Variants in B3GALT1 observed in about 807,000 individuals in gnomAD.
B3GALT1 encodes beta-1,3-galactosyltransferase 1.
In B3GALT1, 10 loss-of-function variants were observed where a neutral mutation model predicts 23.2. The ratio of observed to expected loss-of-function variants is 0.43; its 90% CI spans 0.27 to 0.73. B3GALT1 has a LOEUF of 0.73. B3GALT1 is among the 30% of genes least tolerant of loss of function. The pLI, the probability that B3GALT1 is intolerant of heterozygous loss-of-function variation, is 0.21. For synonymous variants in B3GALT1, 156 were observed against 141.5 expected, an observed-to-expected ratio of 1.10 and a Z score of -0.73; for missense variants, 299 against 405.4, an observed-to-expected ratio of 0.74 and a Z score of 2.25.
At chr2:167,606,905 G>A (rs1028980625) in intron 2 of B3GALT1, among the ~76,000 whole-genome samples, 1 of 152,134 alleles carries the variant, frequency 6.6e-6, no homozygotes, top group African/African-American at 2.4e-5. Flanking sequence ...ATCTTTTACC[G>A]TAAGCTCCTT....
chr2:167,302,058 A>G (rs570176110), intron 1 of B3GALT1, among the ~76,000 whole-genome samples: 5 of 152,184 alleles, frequency 3.3e-5, no homozygotes, highest in Admixed American at 6.5e-5. Context: ...GAAATAAACT[A>G]TTTGGCCAAC....
intron 1 of B3GALT1, among the ~76,000 whole-genome samples, chr2:167,373,321 A>T (rs1190334586): frequency 6.6e-6 from 1 of 152,138 alleles, no homozygotes. Flanking sequence ...GACAGGACAC[A>T]TATAACACAA....
intron 3 of B3GALT1, among the ~76,000 whole-genome samples, chr2:167,795,539 T>A (rs1381980863): frequency 2.6e-5 from 4 of 152,210 alleles, no homozygotes; most frequent in Non-Finnish European, 4.4e-5. Flanking sequence ...CCATTTTTTT[T>A]CTCTGTTCTT....
intron 3 of B3GALT1, among the ~76,000 whole-genome samples, chr2:167,805,637 T>C (rs1305211171): frequency 6.6e-6 from 1 of 152,358 alleles, no homozygotes; most frequent in East Asian, 1.9e-4. Flanking sequence ...CAGATGGTTG[T>C]AGATACGTGG....
chr2:167,615,662 A>T (rs2105435280), intron 2 of B3GALT1, among the ~76,000 whole-genome samples: 1 of 152,212 alleles, frequency 6.6e-6, no homozygotes, highest in South Asian at 2.1e-4. Flanking sequence ...AAATAAAAAA[A>T]AATTGAAAAG....
At chr2:167,723,316 A>G (rs182109203) in intron 3 of B3GALT1, among the ~76,000 whole-genome samples, 14 of 152,330 alleles carry the variant, frequency 9.2e-5, no homozygotes, top group African/African-American at 3.4e-4. Context: ...TAGTAGATGT[A>G]AAAACTAAAG....
chr2:167,438,983 A>G (rs1574078589), intron 1 of B3GALT1, among the ~76,000 whole-genome samples: 1 of 152,352 alleles, frequency 6.6e-6, no homozygotes, highest in African/African-American at 2.4e-5. Context: ...CAAATGAGAG[A>G]TGGGCTCTGC....
chr2:167,566,683 C>G (rs1684177290), intron 2 of B3GALT1, among the ~76,000 whole-genome samples: 1 of 151,944 alleles, frequency 6.6e-6, no homozygotes, highest in Non-Finnish European at 1.5e-5. Context: ...TAACTAGCAC[C>G]CAGGTCATCC....
intron 2 of B3GALT1, among the ~76,000 whole-genome samples, chr2:167,616,552 A>G (rs1015969329): frequency 6.6e-6 from 1 of 151,962 alleles, no homozygotes; most frequent in Non-Finnish European, 1.5e-5. Flanking sequence ...AAACACAAAA[A>G]TTAGCTGGGT....
chr2:167,852,729 C>T (rs1689926799), intron 4 of B3GALT1, among the ~76,000 whole-genome samples: 1 of 152,040 alleles, frequency 6.6e-6, no homozygotes, highest in Non-Finnish European at 1.5e-5. Flanking sequence ...TACACCTTTC[C>T]AGCACATCAC....
At chr2:167,321,981 A>G (rs76553468) in intron 1 of B3GALT1, among the ~76,000 whole-genome samples, 2,239 of 152,132 alleles carry the variant, frequency 0.015, 56 homozygotes, top group East Asian at 0.082. Flanking sequence ...CTAATTTTTC[A>G]ATGTTAAAAT....
intron 1 of B3GALT1, among the ~76,000 whole-genome samples, chr2:167,386,360 A>C (rs1399498566): frequency 6.6e-6 from 1 of 152,124 alleles, no homozygotes; most frequent in East Asian, 1.9e-4. Context: ...TAGTGGTATT[A>C]ATTTTATGGT....
At chr2:167,415,340 CCCA>C (rs1216210673) in intron 1 of B3GALT1, among the ~76,000 whole-genome samples, 1 of 152,158 alleles carries the variant, frequency 6.6e-6, no homozygotes, top group African/African-American at 2.4e-5. Context: ...GCAGGAAATC[CCCA>C]CAAGTAAGAA....
intron 1 of B3GALT1, among the ~76,000 whole-genome samples, chr2:167,423,950 T>C (rs1002874433): frequency 2.0e-5 from 3 of 152,202 alleles, no homozygotes; most frequent in Admixed American, 1.3e-4. Flanking sequence ...CCAGGAATAC[T>C]GTGAAGATAC....
At chr2:167,326,461 T>C (rs1315930891) in intron 1 of B3GALT1, among the ~76,000 whole-genome samples, 1 of 151,930 alleles carries the variant, frequency 6.6e-6, no homozygotes, top group East Asian at 2.0e-4. Flanking sequence ...TCTATTTTTA[T>C]TTTTGTTGCC....
chr2:167,620,713 G>C (rs1001837229), intron 2 of B3GALT1, among the ~76,000 whole-genome samples: 2 of 109,374 alleles, frequency 1.8e-5, no homozygotes, highest in Non-Finnish European at 3.6e-5. Flanking sequence ...TCCTGCTTCA[G>C]CTCTCATACT....
chr2:167,710,631 C>T (rs912809568), intron 3 of B3GALT1, among the ~76,000 whole-genome samples: 2 of 152,202 alleles, frequency 1.3e-5, no homozygotes, highest in Non-Finnish European at 2.9e-5. Flanking sequence ...TACTGCAATC[C>T]AGATGTTACT....
chr2:167,427,774 T>A (rs1698646397), intron 1 of B3GALT1, among the ~76,000 whole-genome samples: 1 of 152,162 alleles, frequency 6.6e-6, no homozygotes. Context: ...ACTCAAGCAA[T>A]CCTCCAATCT....
chr2:167,572,133 A>G (rs760857068), intron 2 of B3GALT1, among the ~76,000 whole-genome samples: 7 of 151,586 alleles, frequency 4.6e-5, no homozygotes, highest in Admixed American at 1.3e-4. Context: ...AACAGAAGTA[A>G]AGGGAAGAAC....
Sources: gnomAD v4.1 joint callset for allele counts (sites outside exome capture counted in the v4.1 genomes callset) on GRCh38, gnomAD v4.1.1 for gene constraint, MANE v1.5 for transcripts, NCBI Gene and HGNC (gene_info 2026-07-23, HGNC 2026-07-21) for gene names.